PTPRD: variants seen among roughly 807,000 people sequenced by gnomAD.
PTPRD encodes the protein receptor-type tyrosine-protein phosphatase delta.
Under a neutral mutation model 214.5 loss-of-function variants are expected in PTPRD, and 34 were observed. The ratio of observed to expected loss-of-function variants is 0.16; its 90% confidence interval spans 0.12 to 0.21. The LOEUF is 0.21. Ranked by LOEUF, PTPRD falls within the 10% of genes least tolerant of loss-of-function variation. The probability of loss-of-function intolerance (pLI) is 1.00; values close to 1 mark genes in which losing one functional copy is unlikely to be tolerated. For missense variants in PTPRD, 2,545 were observed against 2,398.7 expected (o/e 1.06, Z -1.27); for synonymous variants, 1,128 against 845.7 (o/e 1.33, Z -5.79).
intron 11 of PTPRD, among the ~76,000 whole-genome samples, chr9:8,806,287 C>T (rs969269310): frequency 9.2e-4 from 140 of 151,506 alleles, no homozygotes; most frequent in African/African-American, 3.2e-3. Flanking sequence ...ACTTAATGTG[C>T]ACATATTAAT....
At chr9:9,083,996 G>T (rs970391701) in intron 10 of PTPRD, among the ~76,000 whole-genome samples, 4 of 152,164 alleles carry the variant, frequency 2.6e-5, no homozygotes, top group Non-Finnish European at 4.4e-5. Flanking sequence ...ACAGTGTGGT[G>T]ATTCCTCGAG....
intron 6 of PTPRD, among the ~76,000 whole-genome samples, chr9:9,756,083 T>C (rs2098571254): frequency 6.6e-6 from 1 of 152,070 alleles, no homozygotes; most frequent in Non-Finnish European, 1.5e-5. Context: ...CTCTTATTTT[T>C]AGATTGAGGA....
At chr9:10,086,154 G>C (rs2098333804) in intron 3 of PTPRD, among the ~76,000 whole-genome samples, 1 of 151,716 alleles carries the variant, frequency 6.6e-6, no homozygotes, top group Admixed American at 6.6e-5. Flanking sequence ...GCTAAAAATG[G>C]GTGTATTTCA....
intron 36 of PTPRD, among the ~76,000 whole-genome samples, chr9:8,399,603 T>C (rs1228550660): frequency 6.6e-6 from 1 of 152,210 alleles, no homozygotes; most frequent in East Asian, 1.9e-4. Flanking sequence ...TGTCATTTAT[T>C]CTTTGGAAAA....
At chr9:10,292,256 C>G (rs961779113) in intron 3 of PTPRD, among the ~76,000 whole-genome samples, 6 of 152,016 alleles carry the variant, frequency 3.9e-5, no homozygotes, top group Non-Finnish European at 8.8e-5. Context: ...GTCAGCACAT[C>G]CTTCAGCTCC....
intron 8 of PTPRD, among the ~76,000 whole-genome samples, chr9:9,556,812 T>C (rs2081628506): frequency 6.6e-6 from 1 of 152,066 alleles, no homozygotes; most frequent in Non-Finnish European, 1.5e-5. Flanking sequence ...GATGATGGAG[T>C]GAAGCCTCAA....
chr9:10,200,291 T>C (rs954833483), intron 3 of PTPRD, among the ~76,000 whole-genome samples: 4 of 152,122 alleles, frequency 2.6e-5, no homozygotes, highest in South Asian at 2.1e-4. Context: ...GTATAACATA[T>C]AGATCAGTGG....
At chr9:9,628,264 C>A (rs1245035014) in intron 7 of PTPRD, among the ~76,000 whole-genome samples, 1 of 152,152 alleles carries the variant, frequency 6.6e-6, no homozygotes, top group Non-Finnish European at 1.5e-5. Flanking sequence ...GCGTCCATGG[C>A]CCACTCTGAG....
intron 2 of PTPRD, among the ~76,000 whole-genome samples, chr9:10,441,906 T>C (rs1330572101): frequency 2.0e-5 from 3 of 151,648 alleles, no homozygotes. Context: ...AATCATTGGC[T>C]ATCAGTTGAC....
At position 9,864,564 on chromosome 9, in the gene PTPRD, A is replaced by C. The variant is rs576754739; in HGVS notation, c.-368+73943T>G. Among the ~76,000 whole-genome samples, 28 of 152,114 alleles carry C rather than the reference A, an allele frequency of 1.8e-4. No homozygotes were observed. The South Asian group carries it at 5.8e-3, about 32-fold the overall frequency. On this transcript the variant is annotated intron_variant, in intron 5 of 45. Coordinates refer to ENST00000381196, the MANE Select transcript of PTPRD (RefSeq NM_002839.4). Reference sequence around the variant, plus strand: ...GGCACGGTCTCACTCTGTTACCCTGACTGGAGTGCAGTGGCATGAACATGG... The same window carrying C: ...GGCACGGTCTCACTCTGTTACCCTGCCTGGAGTGCAGTGGCATGAACATGG...
intron 2 of PTPRD, among the ~76,000 whole-genome samples, chr9:10,586,560 GACA>G (rs1417768608): frequency 6.6e-6 from 1 of 152,058 alleles, no homozygotes; most frequent in African/African-American, 2.4e-5. Flanking sequence ...GGAAATAAAT[GACA>G]ACGATAGTAA....
intron 5 of PTPRD, among the ~76,000 whole-genome samples, chr9:9,852,512 G>C (rs12347862): frequency 0.14 from 20,753 of 151,998 alleles, 1,817 homozygotes; most frequent in Non-Finnish European, 0.19. Context: ...AAAAGGTAAA[G>C]TGAGAAACCT....
intron 37 of PTPRD, among the ~76,000 whole-genome samples, chr9:8,386,212 G>A (rs1274372516): frequency 6.6e-6 from 1 of 152,204 alleles, no homozygotes; most frequent in Non-Finnish European, 1.5e-5. Flanking sequence ...AGAGGCTAGA[G>A]TTGGTATTTG....
At chr9:8,489,147 T>C (rs1468273792) in intron 27 of PTPRD, among the ~76,000 whole-genome samples, 3 of 152,246 alleles carry the variant, frequency 2.0e-5, no homozygotes, top group Admixed American at 2.0e-4. Flanking sequence ...GGTACACATT[T>C]GGATAAATCT....
intron 11 of PTPRD, among the ~76,000 whole-genome samples, chr9:8,811,558 G>A (rs1050254362): frequency 6.6e-6 from 1 of 152,024 alleles, no homozygotes; most frequent in Non-Finnish European, 1.5e-5. Flanking sequence ...CTAAGGAACA[G>A]AACAATCATT....
chr9:10,167,868 G>A (rs1312590964), intron 3 of PTPRD, among the ~76,000 whole-genome samples: 1 of 151,992 alleles, frequency 6.6e-6, no homozygotes, highest in Non-Finnish European at 1.5e-5. Context: ...TCCCTATATA[G>A]CTGTAAGAGT....
chr9:9,251,424 AT>A lies in PTPRD; in HGVS notation c.-202-68062del, dbSNP rs2099975442. On this transcript the variant is annotated intron_variant, in intron 9 of 45. Transcript: ENST00000381196. ...ACTTGCTAGTAAGTTTTAAAGCTCT[AT>A]GCCTTTGTACATGCTTTTTCCTTTA... 2.6e-5 allele frequency among the ~76,000 whole-genome samples: 4 copies of A among 152,204 alleles called. No individual in the cohort carries two copies. In the South Asian group the frequency reaches 8.3e-4, roughly 32 times the overall value.
chr9:8,741,005 T>C (rs1392774187), intron 11 of PTPRD, among the ~76,000 whole-genome samples: 2 of 152,210 alleles, frequency 1.3e-5, no homozygotes, highest in East Asian at 3.8e-4. Context: ...ATAGCTATTA[T>C]TCTGAGCTTT....
chr9:9,823,499 G>C (rs994347970), intron 5 of PTPRD, among the ~76,000 whole-genome samples: 2 of 152,008 alleles, frequency 1.3e-5, no homozygotes, highest in African/African-American at 4.8e-5. Context: ...GATTTGGCTA[G>C]GGACAAATAT....
Sources: gnomAD v4.1 joint callset for allele counts (sites outside exome capture counted in the v4.1 genomes callset) on GRCh38, gnomAD v4.1.1 for gene constraint, MANE v1.5 for transcripts, NCBI Gene and HGNC (gene_info 2026-07-23, HGNC 2026-07-21) for gene names.